Variants in RBFOX1 observed in about 807,000 individuals in gnomAD.
The protein encoded by RBFOX1 is RNA binding fox-1 homolog 1, also known as RNA binding protein fox-1 homolog 1.
RBFOX1 carries 8 observed loss-of-function variants against 57.7 expected under a neutral mutation model. The ratio of observed to expected loss-of-function variants is 0.14; its 90% CI spans 0.08 to 0.25. The LOEUF (loss-of-function observed/expected upper bound fraction) is 0.25. Among genes scored for constraint, RBFOX1 ranks in the 10% least tolerant of loss-of-function variants. RBFOX1 has a pLI of 1.00. For missense variants in RBFOX1, 611 were observed against 548.5 expected, an observed-to-expected ratio of 1.11 and a Z score of -1.14; for synonymous variants, 326 against 222.4, an observed-to-expected ratio of 1.47 and a Z score of -4.15.
chr16:6,259,591 C>A (rs2152627208), intron 1 of RBFOX1, among the ~76,000 whole-genome samples: 1 of 152,194 alleles, frequency 6.6e-6, no homozygotes, highest in South Asian at 2.1e-4. Flanking sequence ...GAGGGTGGCC[C>A]AGTAGCGACG....
intron 3 of RBFOX1, among the ~76,000 whole-genome samples, chr16:6,805,087 C>T (rs1026600705): frequency 1.3e-5 from 2 of 152,132 alleles, no homozygotes; most frequent in East Asian, 1.9e-4. Flanking sequence ...AAGACCCATG[C>T]ACGTGAATGT....
At chr16:6,345,655 A>C (rs2085267602) in intron 2 of RBFOX1, among the ~76,000 whole-genome samples, 1 of 152,192 alleles carries the variant, frequency 6.6e-6, no homozygotes, top group South Asian at 2.1e-4. Context: ...TGTTGGGAGC[A>C]AACTCGAGTT....
At chr16:5,593,259 T>C (rs1039501941) in intron 2 of RBFOX1, among the ~76,000 whole-genome samples, 3 of 151,548 alleles carry the variant, frequency 2.0e-5, no homozygotes, top group African/African-American at 4.9e-5. Flanking sequence ...CCAAACACTG[T>C]ATGTTCTCAC....
At chr16:5,730,116 G>C (rs561277454) in intron 3 of RBFOX1, among the ~76,000 whole-genome samples, 3 of 152,136 alleles carry the variant, frequency 2.0e-5, no homozygotes, top group African/African-American at 7.2e-5. Flanking sequence ...AGTGTGTCTG[G>C]GGAATTTAGG....
intron 3 of RBFOX1, among the ~76,000 whole-genome samples, chr16:6,841,939 C>A (rs528028697): frequency 6.6e-6 from 1 of 151,258 alleles, no homozygotes; most frequent in East Asian, 2.0e-4. Flanking sequence ...GAGATCGAGA[C>A]CATCCTGGCT....
intron 4 of RBFOX1, among the ~76,000 whole-genome samples, chr16:7,440,367 G>T (rs2149855047): frequency 6.6e-6 from 1 of 152,198 alleles, no homozygotes; most frequent in East Asian, 1.9e-4. Context: ...TTTCGAGGAG[G>T]GGGAAAGGAG....
intron 3 of RBFOX1, among the ~76,000 whole-genome samples, chr16:6,850,733 C>G (rs1013966568): frequency 6.6e-6 from 1 of 152,066 alleles, no homozygotes; most frequent in African/African-American, 2.4e-5. Flanking sequence ...AGAATAGTGA[C>G]AATACCAAAT....
intron 13 of RBFOX1, among the ~76,000 whole-genome samples, chr16:7,665,812 T>C (rs536028745): frequency 6.6e-6 from 1 of 152,270 alleles, no homozygotes; most frequent in East Asian, 1.9e-4. Context: ...ACAGACTAGA[T>C]AGCAAAAAAA....
intron 3 of RBFOX1, among the ~76,000 whole-genome samples, chr16:6,735,424 T>G (rs1241022072): frequency 6.6e-6 from 1 of 152,168 alleles, no homozygotes. Flanking sequence ...GGTAAATGGA[T>G]AGATATTTTT....
intron 3 of RBFOX1, among the ~76,000 whole-genome samples, chr16:6,950,896 C>G (rs1297803549): frequency 1.3e-5 from 2 of 151,124 alleles, no homozygotes; most frequent in African/African-American, 4.9e-5. Flanking sequence ...TTTCTTTTCA[C>G]TCTTTCTTTC....
intron 4 of RBFOX1, among the ~76,000 whole-genome samples, chr16:5,881,953 C>T (rs925016635): frequency 1.3e-5 from 2 of 152,178 alleles, no homozygotes; most frequent in Non-Finnish European, 2.9e-5. Flanking sequence ...GTAGCAGCTA[C>T]GACTTGTTAA....
At chr16:7,054,316 C>T (rs1311338089) in intron 4 of RBFOX1, among the ~76,000 whole-genome samples, 2 of 138,594 alleles carry the variant, frequency 1.4e-5, no homozygotes, top group Non-Finnish European at 3.1e-5. Context: ...CTCAGTTCAC[C>T]GCAACCTCTG....
chr16:6,299,931 C>T (rs2078613141), intron 1 of RBFOX1, among the ~76,000 whole-genome samples: 2 of 152,168 alleles, frequency 1.3e-5, no homozygotes, highest in African/African-American at 4.8e-5. Flanking sequence ...TGCTTGTGTG[C>T]CCCCAGAACC....
intron 2 of RBFOX1, among the ~76,000 whole-genome samples, chr16:6,641,522 C>A (rs1015852272): frequency 6.6e-6 from 1 of 151,888 alleles, no homozygotes; most frequent in African/African-American, 2.4e-5. Flanking sequence ...ATCGCTTGAG[C>A]CCAGGAGTTT....
intron 3 of RBFOX1, among the ~76,000 whole-genome samples, chr16:5,651,040 C>CTTTTTTTTTTT (rs869240597): frequency 0.012 from 705 of 56,892 alleles, 217 homozygotes; most frequent in Admixed American, 0.027. Context: ...CTACCTCCTT[C>CTTTTTTTTTTT]TTTTTTTTTT....
chr16:5,360,206 G>C (rs1178179803), intron 1 of RBFOX1, among the ~76,000 whole-genome samples: 1 of 152,246 alleles, frequency 6.6e-6, no homozygotes, highest in Non-Finnish European at 1.5e-5. Flanking sequence ...GGCCTGGGCA[G>C]AGTTCTGCCT....
Position 6,939,343 on chromosome 16 carries a change from A to G in RBFOX1, c.-15-112714A>G, listed in dbSNP as rs537526330. ...AATTACCTAGAGTCACAAATAATAT[A>G]TAAATTGGTCCAAAGTTTTAGGTAG... On this transcript the variant is annotated intron_variant, in intron 3 of 15. Transcript: ENST00000550418. Among the ~76,000 whole-genome samples the G allele has an allele frequency of 1.1e-3, 170 of 152,102 alleles. 1 individual carries two copies. Among genetic ancestry groups the G allele is most frequent in the Non-Finnish European group, 1.6e-3 (111 of 67,984 alleles).
chr16:7,154,167 A>G (rs893363901), intron 4 of RBFOX1, among the ~76,000 whole-genome samples: 1 of 152,214 alleles, frequency 6.6e-6, no homozygotes, highest in African/African-American at 2.4e-5. Flanking sequence ...TTTGTTGAGC[A>G]CCTATGATGT....
At chr16:7,298,004 T>C (rs561431864) in intron 4 of RBFOX1, among the ~76,000 whole-genome samples, 2 of 152,302 alleles carry the variant, frequency 1.3e-5, no homozygotes, top group African/African-American at 4.8e-5. Flanking sequence ...TAAAGAATCG[T>C]AGAGTTTTGC....
Sources: allele counts gnomAD v4.1 joint callset (sites outside exome capture counted in the v4.1 genomes callset), GRCh38; gene constraint gnomAD v4.1.1; transcripts MANE v1.5; gene names NCBI Gene and HGNC (gene_info 2026-07-23, HGNC 2026-07-21).